The following ARHGAP21 variants were observed in gnomAD, a reference collection of about 807,000 sequenced individuals.
The protein encoded by ARHGAP21 is Rho GTPase activating protein 21.
Under a neutral mutation model 164.6 loss-of-function variants are expected in ARHGAP21, and 38 were observed. The observed-to-expected ratio is 0.23, with a 90% confidence interval of 0.18 to 0.30. ARHGAP21 has a LOEUF of 0.30. ARHGAP21 is among the 10% of genes least tolerant of loss of function. ARHGAP21 has a pLI of 1.00. For missense variants in ARHGAP21, 1,822 were observed against 2,370.7 expected (o/e 0.77, Z 4.81); for synonymous variants, 766 against 857.9 (o/e 0.89, Z 1.87).
In ARHGAP21 at chr10:24,585,440, C is replaced by T; in HGVS notation, c.4849G>A (p.Asp1617Asn). The change falls in exon 26 of 26, where the codon GAC becomes AAC. Residue 1617 changes from aspartate to asparagine, a missense_variant. Transcript: ENST00000396432. ...TCGCTTCTCTCGTCATCTGCCTCGT[C>T]CCCCTTGCTCTCTGCCACGGATTGC... is the stretch of plus-strand genomic sequence containing the variant. ...EVQSVAESKGDEADDERSELI... is the reference protein window; with the variant it reads ...EVQSVAESKGNEADDERSELI... The T allele has an allele frequency of 6.2e-7, 1 of 1,614,090 alleles. No homozygotes were observed. The highest frequency in any genetic ancestry group is 8.5e-7 in the Non-Finnish European group (1 of 1,180,052).
chr10:24,622,717 A>T lies in ARHGAP21; in HGVS notation c.525+16T>A. On this transcript the variant is annotated intron_variant, in intron 8 of 25. Transcript: ENST00000396432. ...TGACTTAAAAAGCAAGGAAATGGCT[A>T]CTGTGCATTTCTTACCAGTGCTGTG... The T allele has an allele frequency of 6.2e-7, 1 of 1,606,402 alleles. No homozygotes were observed. Among genetic ancestry groups the T allele is most frequent in the Non-Finnish European group, 8.5e-7 (1 of 1,177,068 alleles).
At position 24,673,691 on chromosome 10, in the gene ARHGAP21, A is replaced by G. The variant is rs562989027; in HGVS notation, c.64-3294T>C. On this transcript the variant is annotated intron_variant, in intron 2 of 25. Transcript: ENST00000396432. ...AGCCTGGCCAACATGGTGAAACCTC[A>G]TCTCTACTAAAAATACAAAAATTAG... Among the ~76,000 whole-genome samples the G allele has an allele frequency of 2.6e-5, 4 of 151,960 alleles. No individual in the cohort carries two copies. The East Asian group carries it at 5.9e-4, about 22-fold the overall frequency.
intron 19 of ARHGAP21, 25 bp downstream of exon 19, chr10:24,595,692 G>A (rs1453867290): frequency 1.2e-5 from 19 of 1,589,274 alleles, no homozygotes; most frequent in Non-Finnish European, 1.6e-5. Context: ...ATTTCATCTG[G>A]TATCTTTCAC....
chr10:24,608,737 C>G (rs1394510732), intron 9 of ARHGAP21, among the ~76,000 whole-genome samples: 12 of 151,694 alleles, frequency 7.9e-5, no homozygotes, highest in African/African-American at 2.2e-4. Context: ...TCAGTAAATT[C>G]TAACTGTGTT....
At chr10:24,656,324 C>T (rs1474785399) in intron 4 of ARHGAP21, among the ~76,000 whole-genome samples, 50 of 101,670 alleles carry the variant, frequency 4.9e-4, no homozygotes, top group South Asian at 1.5e-3. Context: ...CCAGCCACCC[C>T]GTCCGGGAGG....
At chr10:24,588,870 A>T (rs1564952310) in intron 25 of ARHGAP21, among the ~76,000 whole-genome samples, 1 of 152,202 alleles carries the variant, frequency 6.6e-6, no homozygotes, top group Non-Finnish European at 1.5e-5. Context: ...GGATTTGTGT[A>T]AAGATGGTCC....
intron 2 of ARHGAP21, among the ~76,000 whole-genome samples, chr10:24,719,983 T>C (rs4748968): frequency 0.78 from 118,660 of 152,096 alleles, 46,345 homozygotes; most frequent in Middle Eastern, 0.83. Context: ...TCAAATAATA[T>C]TGTAGTTTAA....
chr10:24,627,851 A>G (rs1835296285), intron 7 of ARHGAP21, among the ~76,000 whole-genome samples: 1 of 152,208 alleles, frequency 6.6e-6, no homozygotes, highest in African/African-American at 2.4e-5. Context: ...ACACTGCAGG[A>G]TATCATGGCG....
chr10:24,658,719 C>T (rs1473925786), intron 4 of ARHGAP21, among the ~76,000 whole-genome samples: 4 of 151,968 alleles, frequency 2.6e-5, no homozygotes, highest in East Asian at 1.9e-4. Context: ...AGGAGATATA[C>T]CTAATGTAAA....
At chr10:24,602,137 A>G in intron 12 of ARHGAP21, 34 bp from the exon 13 acceptor site, 1 of 1,580,636 alleles carries the variant, frequency 6.3e-7, no homozygotes, top group Non-Finnish European at 8.6e-7. Context: ...GTAAAATGTC[A>G]GCATTTTCCT....
rs1428308892 is a variant in ARHGAP21, at chr10:24,604,301, C to CT, written c.2721+10dup. ...ATAAACTAAGGTAAGTAGAAACACT[C>CT]TAATACCAACCTTGATTCCCTTCAG... On this transcript the variant is annotated intron_variant, in intron 12 of 25. Coordinates refer to ENST00000396432, the MANE Select transcript of ARHGAP21 (RefSeq NM_020824.4). The CT allele has an allele frequency of 1.5e-5, 24 of 1,579,294 alleles. No individual in the cohort carries two copies. The highest frequency in any genetic ancestry group is 2.0e-5 in the Non-Finnish European group (23 of 1,161,820).
At chr10:24,594,193 AATC>A (rs1216815761) in intron 21 of ARHGAP21, among the ~76,000 whole-genome samples, 2 of 152,078 alleles carry the variant, frequency 1.3e-5, no homozygotes, top group African/African-American at 4.8e-5. Context: ...TGAGTTAGAA[AATC>A]ATCATTTTAA....
At chr10:24,617,325 G>T (rs1565022787) in intron 9 of ARHGAP21, among the ~76,000 whole-genome samples, 2 of 152,124 alleles carry the variant, frequency 1.3e-5, no homozygotes, top group East Asian at 3.9e-4. Flanking sequence ...TTATATTGTT[G>T]TTATTATGTA....
At chr10:24,623,108 T>C (rs1033469455) in intron 7 of ARHGAP21, among the ~76,000 whole-genome samples, 5 of 152,208 alleles carry the variant, frequency 3.3e-5, no homozygotes, top group African/African-American at 1.2e-4. Context: ...GTGATGTCTC[T>C]CATTTCCCCC....
chr10:24,703,081 G>A (rs941304457), intron 2 of ARHGAP21, among the ~76,000 whole-genome samples: 4 of 151,854 alleles, frequency 2.6e-5, no homozygotes, highest in African/African-American at 9.7e-5. Flanking sequence ...GTCCTAAAAT[G>A]GAAAAGTGTA....
intron 2 of ARHGAP21, among the ~76,000 whole-genome samples, chr10:24,673,650 C>T (rs1271729151): frequency 2.0e-5 from 3 of 151,720 alleles, no homozygotes; most frequent in African/African-American, 7.3e-5. Flanking sequence ...TCACTTGAGG[C>T]CAGGAGTTCG....
intron 9 of ARHGAP21, among the ~76,000 whole-genome samples, chr10:24,608,738 T>C (rs949216279): frequency 1.3e-5 from 2 of 151,550 alleles, no homozygotes; most frequent in Non-Finnish European, 2.9e-5. Context: ...CAGTAAATTC[T>C]AACTGTGTTT....
intron 7 of ARHGAP21, among the ~76,000 whole-genome samples, chr10:24,623,412 T>C (rs867318919): frequency 6.4e-4 from 98 of 152,334 alleles, no homozygotes; most frequent in African/African-American, 2.3e-3. Context: ...TAACCTATAA[T>C]AAATATTATA....
At chr10:24,702,170 G>A (rs772905451) in intron 2 of ARHGAP21, among the ~76,000 whole-genome samples, 11 of 117,510 alleles carry the variant, frequency 9.4e-5, no homozygotes, top group South Asian at 5.5e-4. Context: ...TTGCTCTGTC[G>A]TCCAGTCTGG....
Sources: gnomAD v4.1 joint callset for allele counts (sites outside exome capture counted in the v4.1 genomes callset) on GRCh38, gnomAD v4.1.1 for gene constraint, MANE v1.5 for transcripts, NCBI Gene and HGNC (gene_info 2026-07-23, HGNC 2026-07-21) for gene names.